The following EBP variants were observed in gnomAD, a reference collection of about 807,000 sequenced individuals.
EBP encodes the protein 3-beta-hydroxysteroid-Delta(8),Delta(7)-isomerase.
Under a neutral mutation model 14.1 loss-of-function variants are expected in EBP, and 1 was observed. That is an observed-to-expected ratio of 0.07 (90% CI 0.03 to 0.34). The LOEUF (loss-of-function observed/expected upper bound fraction) is 0.34. EBP is among the 10% of genes least tolerant of loss of function. The pLI, the probability that EBP is intolerant of heterozygous loss-of-function variation, is 0.99. For synonymous variants in EBP, 72 were observed against 77.7 expected, an observed-to-expected ratio of 0.93 and a Z score of 0.38; for missense variants, 123 against 184.6, an observed-to-expected ratio of 0.67 and a Z score of 1.93.
At chrX:48,526,342 CTTTT>C (rs143091554) in intron 2 of EBP, among the ~76,000 whole-genome samples, 3 of 89,157 alleles carry the variant, frequency 3.4e-5, no homozygotes, top group African/African-American at 8.4e-5. Flanking sequence ...TTCTTTCTTT[CTTTT>C]TTTTTTTTTT....
In EBP at chrX:48,523,906, C is replaced by T; in HGVS notation, c.135C>T (p.Thr45=). ...LFSVTGVLVV[T]TWLLSGRAAV... ...CTGTCACAGGGGTCTTAGTCGTGAC[C>T]ACATGGCTGTTGTCAGGTCGTGCTG... The change falls in exon 2 of 5, where the codon ACC becomes ACT. Residue 45 remains threonine, a synonymous_variant. Coordinates refer to ENST00000495186, the MANE Select transcript of EBP (RefSeq NM_006579.3). 1 of 1,211,496 alleles carries T rather than the reference C, an allele frequency of 8.3e-7. No individual in the cohort carries two copies. Among genetic ancestry groups the T allele is most frequent in the Admixed American group, 2.2e-5 (1 of 45,978 alleles).
rs1484769412 is a variant in EBP, at chrX:48,523,576, T to A, written c.-73-123T>A. 3.5e-5 allele frequency: 14 copies of A among 395,305 alleles called. 1 individual carries two copies. Among genetic ancestry groups the A allele is most frequent in the Non-Finnish European group, 6.0e-5 (14 of 234,475 alleles). 32.6% of individuals were successfully genotyped at this position (395,305 alleles called of 1,213,427 possible). On this transcript the variant is annotated intron_variant, in intron 1 of 4. Coordinates refer to ENST00000495186, the MANE Select transcript of EBP (RefSeq NM_006579.3). ...CTGAAAAAAAAAAAAAAAAACGGAA[T>A]GTAATTAGAAGTGTTACAATCCTGT...
At position 48,523,711 on chromosome X, in the gene EBP, C is replaced by CTTTTTTTTT; in HGVS notation, c.-51_-43dup. ...TCTATTTGTCCAGGTTTTTCTGTTC[C>CTTTTTTTTT]TTTTTTTTTTTTTTTTTTAACTTCC... On this transcript the variant is annotated 5_prime_UTR_variant, in exon 2 of 5. Coordinates refer to ENST00000495186, the MANE Select transcript of EBP (RefSeq NM_006579.3). 3 of 864,898 alleles carry CTTTTTTTTT rather than the reference C, an allele frequency of 3.5e-6. No individual in the cohort carries two copies. The highest frequency in any genetic ancestry group is 3.2e-6 in the Non-Finnish European group (2 of 634,392). 71.3% of individuals were successfully genotyped at this position (864,898 alleles called of 1,213,427 possible).
chrX:48,525,717 G>C (rs2061776920), intron 2 of EBP, among the ~76,000 whole-genome samples: 1 of 109,739 alleles, frequency 9.1e-6, no homozygotes. Context: ...ATTTCATAAA[G>C]AGCTTTCAAA....
At position 48,528,435 on chromosome X, in the gene EBP, A is replaced by C. The variant is rs1556977784; in HGVS notation, c.671A>C (p.Lys224Thr). 6 of 1,169,456 alleles carry C rather than the reference A, an allele frequency of 5.1e-6. No homozygotes were observed. The South Asian group carries it at 1.1e-4, about 22-fold the overall frequency. The change falls in exon 5 of 5, where the codon AAA becomes ACA. Residue 224 changes from lysine (K) to threonine (T), a missense_variant. Transcript: ENST00000495186. ...AGCACGCTGGATGCCAAGGCCACAAAAGCCAAGAGCAAGAAGAACTGAGGA... is the reference window on the plus strand; with the variant it reads ...AGCACGCTGGATGCCAAGGCCACAACAGCCAAGAGCAAGAAGAACTGAGGA... ...AQSTLDAKAT[K>T]AKSKKN
intron 3 of EBP, 32 bp from the exon 4 acceptor site, chrX:48,527,123 A>G (rs1199017260): frequency 1.7e-6 from 2 of 1,210,017 alleles, no homozygotes; most frequent in African/African-American, 3.5e-5. Flanking sequence ...GAGCACACCG[A>G]TACCAGTGTC....
At position 48,523,837 on chromosome X, in the gene EBP, A is replaced by G. The variant is rs1408260377; in HGVS notation, c.66A>G (p.Val22=). The G allele has an allele frequency of 4.1e-6, 5 of 1,206,955 alleles. No homozygotes were observed. In the Admixed American group the frequency reaches 1.1e-4, roughly 27 times the overall value. Residue 22 remains valine (V), a synonymous_variant, in exon 2 of 5, where the codon GTA becomes GTG. Transcript: ENST00000495186. ...WPQHLRLDNF[V]PNDRPTWHIL... is the part of the protein sequence containing the mutation. ...AGCACCTAAGACTGGACAACTTTGT[A>G]CCTAATGACCGCCCCACCTGGCATA...
chrX:48,525,604 C>A (rs1419033997), intron 2 of EBP, among the ~76,000 whole-genome samples: 2 of 108,014 alleles, frequency 1.9e-5, no homozygotes, highest in African/African-American at 3.4e-5. Context: ...TTCTCCAACT[C>A]CTGGCTTCAA....
At chrX:48,527,665 G>GC in intron 4 of EBP, 1 of 225,109 alleles carries the variant, frequency 4.4e-6, no homozygotes, top group Non-Finnish European at 8.1e-6. Flanking sequence ...GAGTGCTATG[G>GC]TGTGATCTCG....
intron 2 of EBP, chrX:48,524,669 T>A (rs1178144649): frequency 9.1e-6 from 1 of 109,703 alleles, no homozygotes; most frequent in East Asian, 2.9e-4. Flanking sequence ...TCTTTTTGTT[T>A]TTTGCCCTTC....
intron 4 of EBP, 141 bp from the exon 5 acceptor site, chrX:48,528,093 C>G (rs2147156898): frequency 1.9e-6 from 1 of 515,729 alleles, no homozygotes; most frequent in South Asian, 3.2e-5. Context: ...TTTCTGATTT[C>G]TCAGATTTTC....
intron 2 of EBP, chrX:48,524,347 G>C (rs2061773027): frequency 4.5e-6 from 1 of 220,592 alleles, no homozygotes; most frequent in African/African-American, 2.9e-5. Flanking sequence ...ACAAAAATTA[G>C]CCAGGCGCGG....
chrX:48,526,524 G>A (rs1232581098), intron 2 of EBP, among the ~76,000 whole-genome samples: 1 of 110,267 alleles, frequency 9.1e-6, no homozygotes, highest in African/African-American at 3.3e-5. Context: ...AGAGTTGGGG[G>A]TCTCACTATA....
chrX:48,528,610 G>A lies in EBP; in HGVS notation c.*153G>A. 1 of 531,383 alleles carries A rather than the reference G, an allele frequency of 1.9e-6. No individual in the cohort carries two copies. Among genetic ancestry groups the A allele is most frequent in the Non-Finnish European group, 3.2e-6 (1 of 311,596 alleles). 43.8% of individuals were successfully genotyped at this position (531,383 alleles called of 1,213,427 possible). A position where few individuals can be genotyped will look rare whatever the true frequency, so the allele number is the denominator to read the frequency against. On this transcript the variant is annotated 3_prime_UTR_variant, in exon 5 of 5. Coordinates refer to ENST00000495186, the MANE Select transcript of EBP (RefSeq NM_006579.3). ...GCACAAGAAGGGGAATAAAGGGGCT[G>A]TGTGAAGGCACTGCTGGGAGCCATT...
chrX:48,523,892 G>T lies in EBP; in HGVS notation c.121G>T (p.Val41Phe). Residue 41 changes from valine to phenylalanine, a missense_variant, in exon 2 of 5, where the codon GTC becomes TTC. By Grantham distance (50) the Val-to-Phe change is conservative. Transcript: ENST00000495186. ...GGCTGGCCTCTTCTCTGTCACAGGG[G>T]TCTTAGTCGTGACCACATGGCTGTT... is the stretch of plus-strand genomic sequence containing the variant. ...ILAGLFSVTG[V>F]LVVTTWLLSG... 2 of 1,211,160 alleles carry T rather than the reference G, an allele frequency of 1.7e-6. No individual in the cohort carries two copies. The highest frequency in any genetic ancestry group is 3.0e-5 in the East Asian group (1 of 33,806).
At chrX:48,522,278 CCT>C (rs1261331745) in intron 1 of EBP, 1 of 112,815 alleles carries the variant, frequency 8.9e-6, no homozygotes, top group East Asian at 2.8e-4. Flanking sequence ...CGTTTTCTTT[CCT>C]CTGTCCCCCA....
At chrX:48,524,830 A>T (rs2061774435) in intron 2 of EBP, 1 of 108,172 alleles carries the variant, frequency 9.2e-6, no homozygotes, top group Admixed American at 9.9e-5. Flanking sequence ...CTGGGACTAT[A>T]CTATAGGTGC....
At chrX:48,524,159 T>C in intron 2 of EBP, 87 bp downstream of exon 2, 1 of 871,679 alleles carries the variant, frequency 1.1e-6, no homozygotes, top group East Asian at 3.4e-5. Flanking sequence ...CCTATTCTTC[T>C]TCCATTGATT....
chrX:48,526,908 C>T, intron 2 of EBP, 81 bp from the exon 3 acceptor site: 1 of 1,107,940 alleles, frequency 9.0e-7, no homozygotes, highest in Non-Finnish European at 1.2e-6. Flanking sequence ...AGTCTGTCTT[C>T]TTGCAGGGAC....
Sources: gnomAD v4.1 joint callset for allele counts (sites outside exome capture counted in the v4.1 genomes callset) on GRCh38, gnomAD v4.1.1 for gene constraint, MANE v1.5 for transcripts, NCBI Gene and HGNC (gene_info 2026-07-23, HGNC 2026-07-21) for gene names.